Variants in SLC4A7 observed in about 807,000 individuals in gnomAD.
The protein encoded by SLC4A7 is sodium bicarbonate cotransporter 3.
Under a neutral mutation model 137.6 loss-of-function variants are expected in SLC4A7, and 51 were observed. That is an observed-to-expected ratio of 0.37 (90% confidence interval 0.30 to 0.47). The LOEUF (loss-of-function observed/expected upper bound fraction) is 0.47. Among genes scored for constraint, SLC4A7 ranks in the 20% least tolerant of loss-of-function variants. The pLI, the probability that SLC4A7 is intolerant of heterozygous loss-of-function variation, is 1.00. For missense variants in SLC4A7, 1,247 were observed against 1,525.4 expected (o/e 0.82, Z 3.04); for synonymous variants, 542 against 518.6 (o/e 1.05, Z -0.61).
chr3:27,433,986 C>A lies in SLC4A7; in HGVS notation c.708G>T (p.Arg236=), dbSNP rs745832844. 6.2e-7 allele frequency: 1 copy of A among 1,613,760 alleles called. No homozygotes were observed. The highest frequency in any genetic ancestry group is 1.3e-5 in the African/African-American group (1 of 74,894). Residue 236 remains arginine, a synonymous_variant, in exon 6 of 26, where the codon CGG becomes CGT. Transcript: ENST00000454389. ...CTGCAAAAGATCGAACAAGAGGAAT[C>A]CGACTGGTGAATCTTTTCTCATTCT... ...HHQNEKRFTS[R]IPLVRSFADI...
chr3:27,405,018 A>C, intron 13 of SLC4A7, 55 bp from the exon 14 acceptor site: 1 of 1,303,282 alleles, frequency 7.7e-7, no homozygotes, highest in East Asian at 2.5e-5. Context: ...CATTTCTCTA[A>C]CGTACTATAA....
Position 27,403,324 on chromosome 3 carries a change from C to A in SLC4A7, c.2136G>T (p.Leu712Phe). The A allele has an allele frequency of 6.2e-7, 1 of 1,611,748 alleles. No homozygotes were observed. Among genetic ancestry groups the A allele is most frequent in the South Asian group, 1.1e-5 (1 of 90,764 alleles). The change falls in exon 15 of 26, where the codon TTG (leucine) becomes TTT (phenylalanine). Residue 712 changes from leucine (L) to phenylalanine (F), a missense_variant. This residue lies in a region of SLC4A7 where 499 missense variants were observed against 664.2 expected (regional missense o/e 0.75). Coordinates refer to ENST00000454389, the MANE Select transcript of SLC4A7 (RefSeq NM_001321103.2). The stretch of plus-strand genomic sequence containing the variant: ...CATCTGTTGCAACCAAAACAATGCA[C>A]AAAAAAGAAGTCCACAGACCAATAC... ...RTSIGLWTSF[L>F]CIVLVATDAS...
intron 2 of SLC4A7, among the ~76,000 whole-genome samples, chr3:27,450,463 T>C (rs1160296935): frequency 1.3e-5 from 2 of 151,968 alleles, no homozygotes; most frequent in Non-Finnish European, 2.9e-5. Context: ...TAATAAGAAA[T>C]AAATATAAAA....
In SLC4A7 at chr3:27,395,112, T is replaced by C. The variant is rs368144082; in HGVS notation, c.2707A>G (p.Thr903Ala). ...KLHVPEKFEPTHPERGWIISP... is the reference protein window; with the variant it reads ...KLHVPEKFEPAHPERGWIISP... ...ATGATCCACCCTCTCTCTGGATGAGTAGGCTGTTAAAAAATTAAATATAAT... is the reference window on the plus strand; with the variant it reads ...ATGATCCACCCTCTCTCTGGATGAGCAGGCTGTTAAAAAATTAAATATAAT... Residue 903 changes from threonine to alanine, a missense_variant, in exon 19 of 26, where the codon ACT (threonine) becomes GCT (alanine). By Grantham distance (58) the Thr-to-Ala change is moderately conservative (BLOSUM62 0). This residue lies in a region of SLC4A7 where 499 missense variants were observed against 664.2 expected (regional missense o/e 0.75). Coordinates refer to ENST00000454389, the MANE Select transcript of SLC4A7 (RefSeq NM_001321103.2). 22 of 1,569,134 alleles carry C rather than the reference T, an allele frequency of 1.4e-5. No homozygotes were observed. Among genetic ancestry groups the C allele is most frequent in the Middle Eastern group, 1.7e-4 (1 of 5,840 alleles).
intron 7 of SLC4A7, among the ~76,000 whole-genome samples, chr3:27,429,968 C>G (rs1032185867): frequency 3.3e-5 from 5 of 152,144 alleles, no homozygotes; most frequent in Non-Finnish European, 7.4e-5. Context: ...ATAATCCCAG[C>G]ATTTTGGGAG....
chr3:27,389,798 A>T, intron 22 of SLC4A7, 133 bp downstream of exon 22: 1 of 627,862 alleles, frequency 1.6e-6, no homozygotes, highest in Non-Finnish European at 2.7e-6. Flanking sequence ...AGTAACAGCT[A>T]ATTCACATTT....
intron 24 of SLC4A7, 44 bp from the exon 25 acceptor site, chr3:27,379,400 A>G: frequency 1.0e-6 from 1 of 972,936 alleles, no homozygotes; most frequent in Non-Finnish European, 1.6e-6. Flanking sequence ...AGTACTTGCA[A>G]AAGCATTAAT....
intron 7 of SLC4A7, among the ~76,000 whole-genome samples, chr3:27,429,748 G>A (rs1158339029): frequency 1.3e-5 from 2 of 152,104 alleles, no homozygotes; most frequent in Non-Finnish European, 1.5e-5. Flanking sequence ...TACTCAGGAG[G>A]CTGAGGCAGG....
chr3:27,463,433 AAAAAAATAC>A (rs931761107), intron 1 of SLC4A7, among the ~76,000 whole-genome samples: 66 of 151,856 alleles, frequency 4.3e-4, no homozygotes, highest in Non-Finnish European at 7.4e-4. Context: ...CCGCCTCTTA[AAAAAAATAC>A]AAAAAATACA....
chr3:27,469,111 A>T (rs2059130293), intron 1 of SLC4A7, among the ~76,000 whole-genome samples: 1 of 145,118 alleles, frequency 6.9e-6, no homozygotes, highest in Non-Finnish European at 1.6e-5. Context: ...CGTCTCAATA[A>T]AAGAAAAAAA....
rs902949081 is a variant in SLC4A7 at position 27,375,134 on chromosome 3, T to C, written c.*1630A>G. The C allele has an allele frequency of 1.3e-5, 2 of 152,066 alleles. No homozygotes were observed. The highest frequency in any genetic ancestry group is 1.5e-5 in the Non-Finnish European group (1 of 67,902). The allele number at this position is 152,066 out of a possible 1,614,324, so 9.4% of individuals were successfully genotyped here. A position where few individuals can be genotyped will look rare whatever the true frequency, so the allele number is the denominator to read the frequency against. ...GGAGGACATTACATTAGTTAATAAA[T>C]AGTTTATAATGAATTTAAAACACCA... On this transcript the variant is annotated 3_prime_UTR_variant, in exon 26 of 26. Transcript: ENST00000454389.
intron 1 of SLC4A7, among the ~76,000 whole-genome samples, chr3:27,454,903 T>C (rs985804552): frequency 6.6e-6 from 1 of 152,040 alleles, no homozygotes; most frequent in African/African-American, 2.4e-5. Flanking sequence ...AATCTCACAA[T>C]ACTTATAAAT....
At chr3:27,482,176 G>T (rs1348275546) in intron 1 of SLC4A7, among the ~76,000 whole-genome samples, 2 of 152,172 alleles carry the variant, frequency 1.3e-5, no homozygotes, top group African/African-American at 4.8e-5. Context: ...GTTCTGCCTT[G>T]TTGGCCACTA....
intron 14 of SLC4A7, among the ~76,000 whole-genome samples, chr3:27,404,492 C>T (rs990537261): frequency 6.6e-6 from 1 of 152,228 alleles, no homozygotes; most frequent in Non-Finnish European, 1.5e-5. Flanking sequence ...TGGAAACTGA[C>T]ACTTCACTCT....
chr3:27,401,653 G>C (rs911395612), intron 15 of SLC4A7, among the ~76,000 whole-genome samples: 1 of 152,082 alleles, frequency 6.6e-6, no homozygotes. Context: ...GCTATGATGT[G>C]AATAAGTAAC....
Position 27,403,339 on chromosome 3 carries a change from C to T in SLC4A7, c.2121G>A (p.Leu707=), listed in dbSNP as rs140761450. The change falls in exon 15 of 26, where the codon CTG becomes CTA. Residue 707 remains leucine, a synonymous_variant. Coordinates refer to ENST00000454389, the MANE Select transcript of SLC4A7 (RefSeq NM_001321103.2). ...SYLSLRTSIG[L]WTSFLCIVLV... The stretch of plus-strand genomic sequence containing the variant: ...AAACAATGCACAAAAAAGAAGTCCA[C>T]AGACCAATACTGGTTCTTAAAGACA... 9.9e-6 allele frequency: 16 copies of T among 1,608,742 alleles called. No homozygotes were observed. In the African/African-American group the frequency reaches 2.0e-4, roughly 20 times the overall value.
intron 22 of SLC4A7, among the ~76,000 whole-genome samples, chr3:27,387,620 T>C (rs2051108371): frequency 6.6e-6 from 1 of 152,212 alleles, no homozygotes; most frequent in African/African-American, 2.4e-5. Flanking sequence ...GTTCAGGTCT[T>C]ATTTGCTGTC....
chr3:27,424,661 C>A (rs539796340), intron 7 of SLC4A7, among the ~76,000 whole-genome samples: 1 of 152,274 alleles, frequency 6.6e-6, no homozygotes, highest in South Asian at 2.1e-4. Flanking sequence ...TTCCTAAAGA[C>A]TTTTCATTTT....
chr3:27,431,783 T>G (rs1006117147), intron 6 of SLC4A7, 114 bp from the exon 7 acceptor site: 4 of 1,056,372 alleles, frequency 3.8e-6, no homozygotes, highest in Non-Finnish European at 5.2e-6. Flanking sequence ...GGCCCAAAAT[T>G]TCAAAGTCAT....
Sources: allele counts gnomAD v4.1 joint callset (sites outside exome capture counted in the v4.1 genomes callset), GRCh38; gene constraint gnomAD v4.1.1; regional missense constraint gnomAD v4.1.1; transcripts MANE v1.5; gene names NCBI Gene and HGNC (gene_info 2026-07-23, HGNC 2026-07-21).